HHAT: variants seen among roughly 807,000 people sequenced by gnomAD.
HHAT encodes the protein protein-cysteine N-palmitoyltransferase HHAT.
HHAT carries 47 observed loss-of-function variants against 70.8 expected under a neutral mutation model. The observed-to-expected ratio is 0.66, with a 90% confidence interval of 0.53 to 0.85. HHAT has a LOEUF of 0.85. Ranked by LOEUF, HHAT falls within the 40% of genes least tolerant of loss-of-function variation. HHAT has a pLI of 0.00. For missense variants in HHAT, 609 were observed against 604.8 expected (o/e 1.01, Z -0.07); for synonymous variants, 228 against 247.6 (o/e 0.92, Z 0.74).
intron 7 of HHAT, among the ~76,000 whole-genome samples, chr1:210,435,975 A>G (rs1004684398): frequency 1.3e-5 from 2 of 151,720 alleles, no homozygotes; most frequent in Admixed American, 6.6e-5. Flanking sequence ...GATACAATCC[A>G]TTTATCTATT....
At chr1:210,497,458 CTG>C (rs2094670406) in intron 8 of HHAT, among the ~76,000 whole-genome samples, 1 of 152,160 alleles carries the variant, frequency 6.6e-6, no homozygotes, top group South Asian at 2.1e-4. Flanking sequence ...TAACTTGAAA[CTG>C]TGGCAGTTTC....
intron 8 of HHAT, among the ~76,000 whole-genome samples, chr1:210,466,011 G>A (rs1200227946): frequency 1.1e-5 from 1 of 94,540 alleles, no homozygotes; most frequent in African/African-American, 4.3e-5. Flanking sequence ...GGAATTGCAA[G>A]GAATGAATTG....
chr1:210,348,554 G>A (rs535203903), intron 1 of HHAT, among the ~76,000 whole-genome samples: 2 of 152,272 alleles, frequency 1.3e-5, no homozygotes, highest in African/African-American at 4.8e-5. Flanking sequence ...ACTGTGCTAG[G>A]GGCTGGTGAG....
chr1:210,531,804 C>T (rs2095317563), intron 9 of HHAT, among the ~76,000 whole-genome samples: 2 of 152,204 alleles, frequency 1.3e-5, no homozygotes, highest in South Asian at 4.1e-4. Flanking sequence ...GAAATATCGA[C>T]ATAACTGTAA....
chr1:210,446,560 C>T (rs866074615), intron 7 of HHAT, among the ~76,000 whole-genome samples: 1 of 152,164 alleles, frequency 6.6e-6, no homozygotes, highest in Non-Finnish European at 1.5e-5. Context: ...CAAAACACCA[C>T]GTGGTCCGGC....
intron 11 of HHAT, among the ~76,000 whole-genome samples, chr1:210,667,034 T>G (rs528830119): frequency 3.3e-4 from 50 of 150,554 alleles, no homozygotes; most frequent in Non-Finnish European, 6.2e-4. Context: ...GAGCCGAGAT[T>G]GCACCACTGC....
In HHAT at chr1:210,585,179, CTTT is replaced by C. The variant is rs1220200202; in HGVS notation, c.1044-2718_1044-2716del. 9.1e-3 allele frequency among the ~76,000 whole-genome samples: 1,392 copies of C among 152,202 alleles called. 22 individuals carry two copies. The highest frequency in any genetic ancestry group is 0.029 in the African/African-American group (1,184 of 41,478). On this transcript the variant is annotated intron_variant, in intron 9 of 11. Coordinates refer to ENST00000261458, the MANE Select transcript of HHAT (RefSeq NM_018194.6). ...TACAGATGCAGATTTGCATCTTTGTCTTTCTCCTTCCCAGCTGTGTACCTTGGG... is the reference window on the plus strand; with the variant it reads ...TACAGATGCAGATTTGCATCTTTGTCCTCCTTCCCAGCTGTGTACCTTGGG...
chr1:210,671,846 G>A (rs1271503119), intron 11 of HHAT, among the ~76,000 whole-genome samples: 1 of 152,232 alleles, frequency 6.6e-6, no homozygotes. Flanking sequence ...GGCTGGTCCT[G>A]GAGCCAGGCT....
At chr1:210,634,296 AG>A (rs1671447237) in intron 11 of HHAT, among the ~76,000 whole-genome samples, 1 of 152,164 alleles carries the variant, frequency 6.6e-6, no homozygotes, top group Non-Finnish European at 1.5e-5. Context: ...GTTGATGACA[AG>A]GGAATGTGGA....
At chr1:210,634,094 G>A (rs1490152669) in intron 11 of HHAT, among the ~76,000 whole-genome samples, 5 of 152,194 alleles carry the variant, frequency 3.3e-5, no homozygotes, top group Admixed American at 3.3e-4. Flanking sequence ...TTTTAAAAAA[G>A]TTATTGTATT....
chr1:210,418,511 C>T (rs138234988), intron 7 of HHAT, among the ~76,000 whole-genome samples, 186 bp downstream of exon 7: 21 of 152,210 alleles, frequency 1.4e-4, no homozygotes, highest in Non-Finnish European at 1.5e-4. Context: ...ATGTAGCTGA[C>T]GGAAGTGAGG....
intron 9 of HHAT, among the ~76,000 whole-genome samples, chr1:210,564,654 T>G (rs1270038064): frequency 6.6e-6 from 1 of 152,192 alleles, no homozygotes; most frequent in Non-Finnish European, 1.5e-5. Flanking sequence ...AGTACAGTAG[T>G]GGTAAGACAT....
chr1:210,525,519 A>T (rs751035555), intron 9 of HHAT, among the ~76,000 whole-genome samples: 2 of 152,138 alleles, frequency 1.3e-5, no homozygotes, highest in Non-Finnish European at 2.9e-5. Flanking sequence ...GATTTCTCAG[A>T]TTCACTCCTC....
At position 210,665,414 on chromosome 1, in the gene HHAT, C is replaced by T. The variant is rs537643535; in HGVS notation, c.1391-8874C>T. On this transcript the variant is annotated intron_variant, in intron 11 of 11. Transcript: ENST00000261458. ...GAATGGTTTTGAGTCACTGGGGGGA[C>T]ATTACTCTATGGGACCAGAAAGTAA... Among the ~76,000 whole-genome samples, 5 of 152,232 alleles carry T rather than the reference C, an allele frequency of 3.3e-5. No individual in the cohort carries two copies. In the East Asian group the frequency reaches 9.7e-4, roughly 29 times the overall value.
intron 6 of HHAT, 66 bp downstream of exon 6, chr1:210,404,745 T>C: frequency 7.6e-7 from 1 of 1,316,188 alleles, no homozygotes; most frequent in Non-Finnish European, 1.1e-6. Context: ...TGCTCTGGTC[T>C]TCTCTGACTC....
intron 8 of HHAT, among the ~76,000 whole-genome samples, chr1:210,489,487 A>T (rs751079660): frequency 1.3e-5 from 2 of 152,198 alleles, no homozygotes; most frequent in Non-Finnish European, 2.9e-5. Flanking sequence ...TAATCCAAGG[A>T]TCTTACTTTG....
intron 7 of HHAT, among the ~76,000 whole-genome samples, chr1:210,452,011 T>C (rs139208710): frequency 6.6e-6 from 1 of 152,366 alleles, no homozygotes; most frequent in African/African-American, 2.4e-5. Flanking sequence ...TAGGATTCTC[T>C]GTGATTATTA....
intron 9 of HHAT, among the ~76,000 whole-genome samples, chr1:210,527,668 C>T (rs1225313086): frequency 6.6e-6 from 1 of 152,178 alleles, no homozygotes; most frequent in Non-Finnish European, 1.5e-5. Flanking sequence ...TCCCTGAGGG[C>T]CAGAATCGTG....
At chr1:210,535,747 T>A (rs578124870) in intron 9 of HHAT, among the ~76,000 whole-genome samples, 224 of 152,254 alleles carry the variant, frequency 1.5e-3, no homozygotes, top group African/African-American at 5.2e-3. Context: ...AAGGTTTTGA[T>A]TGAAAATTTG....
Sources: gnomAD v4.1 joint callset for allele counts (sites outside exome capture counted in the v4.1 genomes callset) on GRCh38, gnomAD v4.1.1 for gene constraint, MANE v1.5 for transcripts, NCBI Gene and HGNC (gene_info 2026-07-23, HGNC 2026-07-21) for gene names.